LRRC43: variants seen among roughly 807,000 people sequenced by gnomAD.
LRRC43 encodes the protein leucine rich repeat containing 43.
In LRRC43, 62 loss-of-function variants were observed where a neutral mutation model predicts 64.3. The ratio of observed to expected loss-of-function variants is 0.96; its 90% CI spans 0.79 to 1.19. The LOEUF is 1.19. Ranked by LOEUF, LRRC43 falls within the 50% of genes most tolerant of loss-of-function variation. The pLI, the probability that LRRC43 is intolerant of heterozygous loss-of-function variation, is 0.00. For missense variants in LRRC43, 868 were observed against 845.0 expected, an observed-to-expected ratio of 1.03 and a Z score of -0.34; for synonymous variants, 422 against 382.3, an observed-to-expected ratio of 1.10 and a Z score of -1.21.
chr12:122,199,849 G>T (rs896018504), intron 7 of LRRC43, among the ~76,000 whole-genome samples: 3 of 152,216 alleles, frequency 2.0e-5, no homozygotes, highest in Non-Finnish European at 4.4e-5. Context: ...TTCCCAAAGT[G>T]CTGGGATTAG....
At chr12:122,168,566 G>A (rs1953459868) in intron 1 of LRRC43, among the ~76,000 whole-genome samples, 1 of 152,180 alleles carries the variant, frequency 6.6e-6, no homozygotes, top group Admixed American at 6.5e-5. Flanking sequence ...GGGATTACAG[G>A]GGTGAGCCAC....
intron 3 of LRRC43, 22 bp downstream of exon 3, chr12:122,186,322 TTGAG>T: frequency 3.3e-6 from 5 of 1,507,862 alleles, no homozygotes; most frequent in Non-Finnish European, 4.5e-6. Context: ...CCGGTCTGTG[TTGAG>T]TATTTGGGCC....
chr12:122,187,809 T>G lies in LRRC43; in HGVS notation c.631T>G (p.Leu211Val). Residue 211 changes from leucine (L) to valine (V), a missense_variant, in exon 4 of 12, where the codon TTG (leucine) becomes GTG (valine). Transcript: ENST00000339777. ...AGGCCACAACAAACTTCTAGGCCCC[T>G]TGGAAAGTCTCTACGTCACCGCTAA... ...GLGHNKLLGP[L>V]ESLYVTANHW... is the part of the protein sequence containing the mutation. 1 of 1,614,132 alleles carries G rather than the reference T, an allele frequency of 6.2e-7. No individual in the cohort carries two copies. Among genetic ancestry groups the G allele is most frequent in the African/African-American group, 1.3e-5 (1 of 75,044 alleles).
chr12:122,170,809 T>C (rs1359874888), intron 1 of LRRC43, among the ~76,000 whole-genome samples: 2 of 151,702 alleles, frequency 1.3e-5, no homozygotes, highest in Non-Finnish European at 2.9e-5. Flanking sequence ...GATGAATATA[T>C]AGGTGCTGGT....
chr12:122,201,194 T>C, intron 10 of LRRC43, 102 bp from the exon 11 acceptor site: 1 of 1,239,808 alleles, frequency 8.1e-7, no homozygotes, highest in Non-Finnish European at 1.2e-6. Context: ...CCCGCCTTCC[T>C]GGACCTGTCA....
Position 122,203,429 on chromosome 12 carries a change from T to C in LRRC43, c.1958T>C (p.Met653Thr), listed in dbSNP as rs1953868748. ...CGCTCGGCGGAGGAGGCTCTGCGCATGTTCGCCGTGTAGGGCGTGGGCAGT... is the reference window on the plus strand; with the variant it reads ...CGCTCGGCGGAGGAGGCTCTGCGCACGTTCGCCGTGTAGGGCGTGGGCAGT... Reference protein sequence around the residue: ...QCRSAEEALRMFAV With the variant: ...QCRSAEEALRTFAV Residue 653 changes from methionine to threonine, a missense_variant, in exon 12 of 12, where the codon ATG (methionine) becomes ACG (threonine). Physicochemically the swap from Met to Thr is moderately conservative, Grantham distance 81. Transcript: ENST00000339777. 1.9e-6 allele frequency: 3 copies of C among 1,610,940 alleles called. No homozygotes were observed. The highest frequency in any genetic ancestry group is 2.2e-5 in the East Asian group (1 of 44,780).
rs1301354229 is a variant in LRRC43 at position 122,192,787 on chromosome 12, TCTC to T, written c.1135_1137del (p.Pro379del). 1.9e-6 allele frequency: 3 copies of T among 1,614,070 alleles called. No individual in the cohort carries two copies. Among genetic ancestry groups the T allele is most frequent in the Non-Finnish European group, 2.5e-6 (3 of 1,180,004 alleles). On this transcript the variant is annotated inframe_deletion, in exon 7 of 12. Transcript: ENST00000339777. ...CAGCTTAGAATTATTAGTTGAGGAA[TCTC>T]CTGAAGAGGTCGTGGAAGACGTCAT...
In LRRC43 at chr12:122,172,425, T is replaced by C. The variant is rs774418891; in HGVS notation, c.-406+4643T>C. On this transcript the variant is annotated intron_variant, in intron 1 of 5. Coordinates refer to the LRRC43 transcript ENST00000537729. ...GAAGAGATGGCCTTAAGTGGTGGCC[T>C]GTTGGGCTCCAGAGGTCAATGATTT... The C allele has an allele frequency of 4.3e-6, 7 of 1,612,702 alleles. No homozygotes were observed. In the South Asian group the frequency reaches 7.7e-5, roughly 18 times the overall value.
chr12:122,197,888 A>G (rs772621656), intron 7 of LRRC43, among the ~76,000 whole-genome samples: 2 of 152,062 alleles, frequency 1.3e-5, no homozygotes, highest in Non-Finnish European at 2.9e-5. Context: ...ATTCATGTAC[A>G]TATGTTATCA....
At chr12:122,173,710 C>T in intron 1 of LRRC43, 1 of 735,782 alleles carries the variant, frequency 1.4e-6, no homozygotes, top group South Asian at 1.8e-5. Flanking sequence ...CCATCTTTGC[C>T]TGTCTAGTTT....
Position 122,192,665 on chromosome 12 carries a change from T to C in LRRC43, c.1090-80T>C, listed in dbSNP as rs986053697. On this transcript the variant is annotated intron_variant, in intron 6 of 11. Transcript: ENST00000339777. ...TGAACCTCATCCAGATGTCGGGAGC[T>C]GTGTTACAGACACCCCCGGCATCAG... The C allele has an allele frequency of 7.3e-6, 11 of 1,508,242 alleles. No individual in the cohort carries two copies. The African/African-American group carries it at 1.5e-4, about 21-fold the overall frequency. The allele number at this position is 1,508,242 out of a possible 1,614,324, so 93.4% of individuals were successfully genotyped here.
intron 7 of LRRC43, among the ~76,000 whole-genome samples, chr12:122,195,809 T>C (rs1216162447): frequency 6.6e-6 from 1 of 152,200 alleles, no homozygotes; most frequent in Admixed American, 6.5e-5. Context: ...TTTTCAGCCG[T>C]TATCCTTCAA....
At chr12:122,187,377 G>A in intron 3 of LRRC43, 1 of 232,094 alleles carries the variant, frequency 4.3e-6, no homozygotes, top group South Asian at 1.4e-4. Context: ...TATCCATCTA[G>A]GAGCCCTTTT....
chr12:122,185,949 C>T lies in LRRC43; in HGVS notation c.412-241C>T, dbSNP rs903310127. Among the ~76,000 whole-genome samples, 11 of 152,224 alleles carry T rather than the reference C, an allele frequency of 7.2e-5. No individual in the cohort carries two copies. In the East Asian group the frequency reaches 1.5e-3, roughly 21 times the overall value. On this transcript the variant is annotated intron_variant, in intron 2 of 11. Transcript: ENST00000339777. ...AGGTGGCTTATGGTCCAACAAAGGA[C>T]ACAGGTCATTGGCCTAGAAATCATG...
intron 4 of LRRC43, chr12:122,189,512 G>T: frequency 2.2e-6 from 1 of 456,686 alleles, no homozygotes; most frequent in Non-Finnish European, 4.4e-6. Context: ...CTAGTTTGTG[G>T]CAGCAGGAAA....
chr12:122,200,734 CCGT>C lies in LRRC43; in HGVS notation c.1621-6_1621-4del, dbSNP rs764445792. 65 of 1,612,984 alleles carry C rather than the reference CCGT, an allele frequency of 4.0e-5. No homozygotes were observed. Among genetic ancestry groups the C allele is most frequent in the Non-Finnish European group, 5.4e-5 (64 of 1,179,990 alleles). On this transcript the variant is annotated splice_polypyrimidine_tract_variant and intron_variant, in intron 9 of 11. Transcript: ENST00000339777. This position sits in a 1 kb window ranked among gnomAD's most constrained non-coding sequence, Gnocchi z 4.6. ...CAACTTGTCCCACCCTCCTGTCCTC[CCGT>C]CGTCGCAGGAGTGGAAGGTGCTGAA...
chr12:122,192,632 C>T (rs1953730992), intron 6 of LRRC43, 113 bp from the exon 7 acceptor site: 3 of 1,246,282 alleles, frequency 2.4e-6, no homozygotes, highest in South Asian at 2.7e-5. Context: ...GGTGTGTCTG[C>T]TCATGCGTGA....
Position 122,200,632 on chromosome 12 carries a change from C to A in LRRC43, c.1592C>A (p.Thr531Lys). 2.6e-6 allele frequency: 4 copies of A among 1,532,710 alleles called. No homozygotes were observed. Among genetic ancestry groups the A allele is most frequent in the Non-Finnish European group, 3.6e-6 (4 of 1,108,912 alleles). 94.9% of individuals were successfully genotyped at this position (1,532,710 alleles called of 1,614,324 possible). ...AAGAAAGGGAAGGAGAAAGACAGGA[C>A]GGGGAAAGGAGAGAAAGAGCCGGCC... ...KDKKGKEKDR[T>K]GKGEKEPAKE... The change falls in exon 9 of 12, where the codon ACG becomes AAG. Residue 531 changes from threonine (T) to lysine (K), a missense_variant. Thr to Lys is a moderately conservative substitution (Grantham distance 78). Coordinates refer to ENST00000339777, the MANE Select transcript of LRRC43 (RefSeq NM_001098519.2). This position sits in a 1 kb window ranked among gnomAD's most constrained non-coding sequence, Gnocchi z 4.6.
At position 122,200,308 on chromosome 12, in the gene LRRC43, C is replaced by T; in HGVS notation, c.1469C>T (p.Thr490Ile). 6.2e-7 allele frequency: 1 copy of T among 1,611,514 alleles called. No individual in the cohort carries two copies. The highest frequency in any genetic ancestry group is 1.1e-5 in the South Asian group (1 of 91,068). ...PLKAFLLAGT[T>I]VTIVEEKILS... ...AAGGCCTTCCTGCTGGCGGGGACCA[C>T]CGTGACCATCGTGGAGGAGAAGGTG... The change falls in exon 8 of 12, where the codon ACC (threonine) becomes ATC (isoleucine). Residue 490 changes from threonine to isoleucine, a missense_variant. Transcript: ENST00000339777. This position sits in a 1 kb window ranked among gnomAD's most constrained non-coding sequence, Gnocchi z 4.6.
Sources: allele counts gnomAD v4.1 joint callset (sites outside exome capture counted in the v4.1 genomes callset), GRCh38; gene constraint gnomAD v4.1.1; non-coding constraint Gnocchi (gnomAD v3.1); transcripts MANE v1.5; gene names NCBI Gene and HGNC (gene_info 2026-07-23, HGNC 2026-07-21).